LRRTM4: variants seen among roughly 807,000 people sequenced by gnomAD.
LRRTM4 encodes leucine rich repeat transmembrane neuronal 4, also known as leucine-rich repeat transmembrane neuronal protein 4.
In LRRTM4, 25 loss-of-function variants were observed where a neutral mutation model predicts 47.6. The observed-to-expected ratio is 0.53, with a 90% CI of 0.38 to 0.73. The LOEUF is 0.73. Among genes scored for constraint, LRRTM4 ranks in the 30% least tolerant of loss-of-function variants. The pLI is 0.00. For synonymous variants in LRRTM4, 311 were observed against 269.5 expected (o/e 1.15, Z -1.51); for missense variants, 638 against 713.4 (o/e 0.89, Z 1.20).
intron 3 of LRRTM4, among the ~76,000 whole-genome samples, chr2:77,495,609 C>T (rs767405597): frequency 5.9e-5 from 9 of 151,920 alleles, no homozygotes; most frequent in Non-Finnish European, 8.8e-5. Flanking sequence ...TTTTGGCATA[C>T]GGATGGCAAA....
chr2:76,844,897 AAG>A (rs1328730809), intron 3 of LRRTM4, among the ~76,000 whole-genome samples: 1 of 152,124 alleles, frequency 6.6e-6, no homozygotes, highest in Non-Finnish European at 1.5e-5. Flanking sequence ...GAAATGAAAA[AAG>A]GATTATTTAC....
chr2:77,039,304 A>G (rs959963913), intron 3 of LRRTM4, among the ~76,000 whole-genome samples: 32 of 136,136 alleles, frequency 2.4e-4, no homozygotes, highest in Non-Finnish European at 3.9e-4. Flanking sequence ...AACATCTTTC[A>G]AATGTTTTTA....
rs373904980 is a variant in LRRTM4 at position 77,429,883 on chromosome 2, T to C, written c.1551+88435A>G. Among the ~76,000 whole-genome samples the C allele has an allele frequency of 2.2e-3, 338 of 152,094 alleles. 1 individual carries two copies. The highest frequency in any genetic ancestry group is 8.0e-3 in the African/African-American group (332 of 41,506). The stretch of plus-strand genomic sequence containing the variant: ...GAGTTCGAGACTAGCCTGACCAACA[T>C]GGTGAAGCCCTGTCTCTACTAAAAA... On this transcript the variant is annotated intron_variant, in intron 3 of 3. Transcript: ENST00000409884.
At chr2:77,492,908 G>C (rs1489379250) in intron 3 of LRRTM4, among the ~76,000 whole-genome samples, 1 of 151,950 alleles carries the variant, frequency 6.6e-6, no homozygotes, top group Non-Finnish European at 1.5e-5. Context: ...TTATCCACTG[G>C]TCAACCTAGG....
intron 3 of LRRTM4, among the ~76,000 whole-genome samples, chr2:76,752,332 T>C (rs896642406): frequency 2.0e-5 from 3 of 152,200 alleles, no homozygotes; most frequent in Non-Finnish European, 4.4e-5. Flanking sequence ...GTCTTTGAAT[T>C]AAGTTGACTT....
chr2:77,231,463 G>A (rs1674963768), intron 3 of LRRTM4, among the ~76,000 whole-genome samples: 1 of 151,688 alleles, frequency 6.6e-6, no homozygotes, highest in African/African-American at 2.4e-5. Flanking sequence ...ACAGATCTTG[G>A]GCTAAAAATA....
At chr2:76,784,436 A>T (rs1475242660) in intron 3 of LRRTM4, among the ~76,000 whole-genome samples, 3 of 152,078 alleles carry the variant, frequency 2.0e-5, no homozygotes, top group Non-Finnish European at 1.5e-5. Context: ...TTGAACACAC[A>T]CAAGTACATG....
At chr2:77,369,805 T>C (rs1047314713) in intron 3 of LRRTM4, among the ~76,000 whole-genome samples, 2 of 151,768 alleles carry the variant, frequency 1.3e-5, no homozygotes, top group African/African-American at 4.8e-5. Flanking sequence ...CTATACTGAA[T>C]ACTGTAGGCA....
chr2:76,866,890 T>G (rs1479373043), intron 3 of LRRTM4, among the ~76,000 whole-genome samples: 7 of 152,000 alleles, frequency 4.6e-5, no homozygotes, highest in Admixed American at 3.3e-4. Flanking sequence ...CAAGCAGCCA[T>G]AAAAAAGAAT....
At position 76,785,133 on chromosome 2, in the gene LRRTM4, G is replaced by T. The variant is rs145844113; in HGVS notation, c.1552-36217C>A. On this transcript the variant is annotated intron_variant, in intron 3 of 3. Coordinates refer to ENST00000409884, the MANE Select transcript of LRRTM4 (RefSeq NM_001134745.3). The stretch of plus-strand genomic sequence containing the variant: ...TGCTACACCGATCTTGAAGAAGGAA[G>T]TACAAACAATTAATTTAAAATGCTG... 1.6e-3 allele frequency among the ~76,000 whole-genome samples: 251 copies of T among 152,144 alleles called. 3 individuals carry two copies. In the East Asian group the frequency reaches 0.025, roughly 15 times the overall value.
intron 3 of LRRTM4, among the ~76,000 whole-genome samples, chr2:77,093,455 T>A (rs1670711624): frequency 6.6e-6 from 1 of 151,478 alleles, no homozygotes; most frequent in Non-Finnish European, 1.5e-5. Flanking sequence ...ATGTTTCTTC[T>A]AACATCCCCA....
At chr2:76,798,267 A>T (rs1675462564) in intron 3 of LRRTM4, among the ~76,000 whole-genome samples, 1 of 152,198 alleles carries the variant, frequency 6.6e-6, no homozygotes, top group Admixed American at 6.5e-5. Flanking sequence ...ACCACAGTGC[A>T]ATTAAAATAG....
chr2:77,235,358 A>G (rs6715877), intron 3 of LRRTM4, among the ~76,000 whole-genome samples: 22,643 of 151,948 alleles, frequency 0.15, 2,836 homozygotes, highest in East Asian at 0.34. Flanking sequence ...TTCATTTCTC[A>G]TGCCCATTTT....
intron 3 of LRRTM4, among the ~76,000 whole-genome samples, chr2:76,797,889 A>G (rs2103753214): frequency 6.6e-6 from 1 of 151,712 alleles, no homozygotes. Context: ...ATGATGGTAA[A>G]GGGATCAATT....
intron 3 of LRRTM4, among the ~76,000 whole-genome samples, chr2:77,086,791 G>A (rs1337072003): frequency 2.6e-5 from 4 of 151,976 alleles, no homozygotes; most frequent in Non-Finnish European, 4.4e-5. Flanking sequence ...CACTGAGCCC[G>A]GCCTATATGT....
intron 3 of LRRTM4, among the ~76,000 whole-genome samples, chr2:77,515,987 C>T (rs928496886): frequency 4.0e-5 from 6 of 151,724 alleles, no homozygotes; most frequent in Non-Finnish European, 7.4e-5. Context: ...TGTATGCTTT[C>T]GTTTTAAAAC....
At chr2:77,032,168 G>A (rs534194977) in intron 3 of LRRTM4, among the ~76,000 whole-genome samples, 6 of 152,116 alleles carry the variant, frequency 3.9e-5, no homozygotes, top group African/African-American at 1.4e-4. Flanking sequence ...TCACATACAG[G>A]AAGCACAGTG....
intron 3 of LRRTM4, among the ~76,000 whole-genome samples, chr2:76,796,735 ACT>A (rs1291598385): frequency 6.6e-6 from 1 of 150,572 alleles, no homozygotes; most frequent in Non-Finnish European, 1.5e-5. Context: ...AAAACTGGAA[ACT>A]CTGAAAAGCA....
At chr2:77,386,540 T>C (rs1006963566) in intron 3 of LRRTM4, among the ~76,000 whole-genome samples, 68 of 152,294 alleles carry the variant, frequency 4.5e-4, no homozygotes, top group African/African-American at 1.6e-3. Context: ...GCTTTAAGTC[T>C]TTGCTATTGT....
Sources: gnomAD v4.1 joint callset for allele counts (sites outside exome capture counted in the v4.1 genomes callset) on GRCh38, gnomAD v4.1.1 for gene constraint, MANE v1.5 for transcripts, NCBI Gene and HGNC (gene_info 2026-07-23, HGNC 2026-07-21) for gene names.